Variants in HIF3A observed in about 807,000 individuals in gnomAD.
HIF3A encodes the protein hypoxia-inducible factor 3-alpha.
Under a neutral mutation model 67.2 loss-of-function variants are expected in HIF3A, and 41 were observed. That is an observed-to-expected ratio of 0.61 (90% CI 0.48 to 0.79). HIF3A has a LOEUF of 0.79. HIF3A is among the 30% of genes least tolerant of loss of function. The probability of loss-of-function intolerance (pLI) is 0.00; values close to 1 mark genes in which losing one functional copy is unlikely to be tolerated. For synonymous variants in HIF3A, 356 were observed against 374.8 expected (o/e 0.95, Z 0.58); for missense variants, 855 against 898.0 (o/e 0.95, Z 0.61).
At chr19:46,298,363 G>GGCC in intron 1 of HIF3A, 125 of 1,256,446 alleles carry the variant, frequency 9.9e-5, no homozygotes, top group Non-Finnish European at 1.2e-4. Context: ...GAGCTCGGGT[G>GGCC]CCCCCCCTCC....
intron 14 of HIF3A, among the ~76,000 whole-genome samples, chr19:46,335,442 G>T (rs1971542446): frequency 6.6e-6 from 1 of 151,742 alleles, no homozygotes; most frequent in South Asian, 2.1e-4. Context: ...GCTAATTTTT[G>T]TATTTTTAGT....
chr19:46,311,388 C>T (rs527353228), intron 6 of HIF3A, among the ~76,000 whole-genome samples: 116 of 152,226 alleles, frequency 7.6e-4, no homozygotes, highest in African/African-American at 2.7e-3. Flanking sequence ...GCCAGGAGTT[C>T]CGGATCAGCC....
At chr19:46,300,408 C>G (rs1014257705) in intron 1 of HIF3A, among the ~76,000 whole-genome samples, 1 of 152,194 alleles carries the variant, frequency 6.6e-6, no homozygotes, top group African/African-American at 2.4e-5. Flanking sequence ...TGCCTGTAAT[C>G]CCAACATTTT....
chr19:46,335,467 G>A (rs934470073), intron 14 of HIF3A, among the ~76,000 whole-genome samples: 6 of 151,630 alleles, frequency 4.0e-5, no homozygotes, highest in East Asian at 1.9e-4. Flanking sequence ...ATGAGGTTTC[G>A]CCATGTTGGC....
rs1435285566 is a variant in HIF3A, at chr19:46,325,585, C to CT, written c.1388dup (p.Thr464HisfsTer7). The CT allele has an allele frequency of 6.2e-7, 1 of 1,613,620 alleles. No homozygotes were observed. Among genetic ancestry groups the CT allele is most frequent in the South Asian group, 1.1e-5 (1 of 91,040 alleles). On this transcript the variant is annotated frameshift_variant, in exon 11 of 15. Coordinates refer to ENST00000377670, the MANE Select transcript of HIF3A (RefSeq NM_152795.4). LOFTEE classifies it high-confidence loss of function. ...TGGGCACCGAGAATGTGCACAGACT[C>CT]TTCACCTCCGGGAAAGACACTGAGG...
At chr19:46,335,291 TGAAGTC>T (rs1187102821) in intron 14 of HIF3A, among the ~76,000 whole-genome samples, 6 of 150,508 alleles carry the variant, frequency 4.0e-5, no homozygotes, top group African/African-American at 1.5e-4. Context: ...TTTTTTGAGA[TGAAGTC>T]TCACTCTTGT....
At chr19:46,326,191 T>G (rs1970766839) in intron 11 of HIF3A, among the ~76,000 whole-genome samples, 1 of 152,170 alleles carries the variant, frequency 6.6e-6, no homozygotes, top group South Asian at 2.1e-4. Flanking sequence ...AATCCCTCAC[T>G]TTGCTTTGGC....
chr19:46,313,176 AGGT>A, intron 8 of HIF3A: 1 of 568,504 alleles, frequency 1.8e-6, no homozygotes, highest in Non-Finnish European at 2.2e-6. Context: ...ATTAGAACCC[AGGT>A]GGTGGAGGCT....
chr19:46,336,917 G>A (rs1434864284), intron 14 of HIF3A, among the ~76,000 whole-genome samples: 5 of 152,140 alleles, frequency 3.3e-5, no homozygotes, highest in Non-Finnish European at 5.9e-5. Context: ...AGCCCAGGAG[G>A]CAGAGGTTGC....
In HIF3A at chr19:46,309,497, C is replaced by G. The variant is rs564212117; in HGVS notation, c.770+138C>G. 6.5e-6 allele frequency: 4 copies of G among 618,912 alleles called. No homozygotes were observed. The South Asian group carries it at 8.3e-5, about 13-fold the overall frequency. 38.3% of individuals were successfully genotyped at this position (618,912 alleles called of 1,614,324 possible). A position where few individuals can be genotyped will look rare whatever the true frequency, so the allele number is the denominator to read the frequency against. On this transcript the variant is annotated intron_variant, in intron 6 of 14. Coordinates refer to ENST00000377670, the MANE Select transcript of HIF3A (RefSeq NM_152795.4). ...TCTCTCTCTCTCTTTGTGTGCCTGC[C>G]TGTCTCTGAATTTTCTACATGCCTT...
intron 14 of HIF3A, among the ~76,000 whole-genome samples, chr19:46,336,269 T>G (rs1971612377): frequency 1.3e-5 from 2 of 151,822 alleles, no homozygotes; most frequent in Admixed American, 1.3e-4. Context: ...ATTTTTTGTA[T>G]TTTTAGTAGA....
intron 10 of HIF3A, among the ~76,000 whole-genome samples, chr19:46,322,269 G>C (rs1970428471): frequency 6.6e-6 from 1 of 152,070 alleles, no homozygotes; most frequent in African/African-American, 2.4e-5. Flanking sequence ...AATGTGGGCA[G>C]TTTTTCCCAC....
Position 46,331,158 on chromosome 19 carries a change from C to T in HIF3A, c.1715C>T (p.Thr572Ile). Residue 572 changes from threonine to isoleucine, a missense_variant and splice_region_variant, in exon 13 of 15, where the codon ACC (threonine) becomes ATC (isoleucine). Physicochemically the swap from Thr to Ile is moderately conservative, Grantham distance 89. This residue lies in a region of HIF3A where 199 missense variants were observed against 193.8 expected (regional missense o/e 1.03). Transcript: ENST00000377670. The stretch of plus-strand genomic sequence containing the variant: ...GATTCTTGCCTGTTTTCCTCCAGGA[C>T]CCTGGCCCAGAGCTCAGAGGACGAG... ...SSPMAGARKR[T>I]LAQSSEDEDE... The T allele has an allele frequency of 6.2e-7, 1 of 1,611,408 alleles. No individual in the cohort carries two copies. The highest frequency in any genetic ancestry group is 1.1e-5 in the South Asian group (1 of 90,852).
intron 12 of HIF3A, 36 bp from the exon 13 acceptor site, chr19:46,331,120 T>G (rs1212705999): frequency 1.3e-6 from 2 of 1,547,122 alleles, no homozygotes; most frequent in African/African-American, 2.7e-5. Flanking sequence ...TGCCCAGGTT[T>G]GCTGTGTCCT....
At chr19:46,310,525 C>G in intron 6 of HIF3A, 1 of 448,794 alleles carries the variant, frequency 2.2e-6, no homozygotes, top group South Asian at 1.6e-5. Context: ...TATCCCTCGC[C>G]CTGGTGTCAT....
At chr19:46,316,951 A>C (rs1427029926) in intron 8 of HIF3A, among the ~76,000 whole-genome samples, 1 of 151,960 alleles carries the variant, frequency 6.6e-6, no homozygotes, top group Non-Finnish European at 1.5e-5. Flanking sequence ...TATGTATATA[A>C]ATTTTTTTTG....
Position 46,334,897 on chromosome 19 carries a change from T to C in HIF3A, c.1831-8T>C, listed in dbSNP as rs763471390. On this transcript the variant is annotated splice_polypyrimidine_tract_variant and splice_region_variant and intron_variant, in intron 13 of 14. Transcript: ENST00000377670. ...GATGATGGTGGTGGCTTTGTCTCTC[T>C]CCCACAGAGTTTCCTTCTGACAGGA... The C allele has an allele frequency of 1.6e-5, 25 of 1,605,640 alleles. No homozygotes were observed. Among genetic ancestry groups the C allele is most frequent in the Non-Finnish European group, 1.9e-5 (22 of 1,175,690 alleles).
intron 6 of HIF3A, chr19:46,310,781 T>G: frequency 3.2e-6 from 1 of 309,678 alleles, no homozygotes; most frequent in South Asian, 2.5e-5. Flanking sequence ...GGTGGAGTCT[T>G]GCTCTGTCAC....
rs1420113335 is a variant in HIF3A, at chr19:46,321,917, C to T, written c.1286C>T (p.Ala429Val). The change falls in exon 10 of 15, where the codon GCC becomes GTC. Residue 429 changes from alanine to valine, a missense_variant. By Grantham distance (64) the Ala-to-Val change is moderately conservative (BLOSUM62 0). Around this residue, in one of 3 missense-constraint regions of HIF3A, gnomAD observed 638 missense variants for 660.5 expected, o/e 0.97. Transcript: ENST00000377670. ...ATCCTGGATGGGGCTTCAGTAGCAGCCACTCCCAGCACCCCGCTGGCCACA... is the reference window on the plus strand; with the variant it reads ...ATCCTGGATGGGGCTTCAGTAGCAGTCACTCCCAGCACCCCGCTGGCCACA... ...GPILDGASVA[A>V]TPSTPLATRH... 1 of 1,613,918 alleles carries T rather than the reference C, an allele frequency of 6.2e-7. No homozygotes were observed. The highest frequency in any genetic ancestry group is 1.3e-5 in the African/African-American group (1 of 74,926).
Sources: gnomAD v4.1 joint callset for allele counts (sites outside exome capture counted in the v4.1 genomes callset) on GRCh38, gnomAD v4.1.1 for gene constraint, gnomAD v4.1.1 regional missense constraint, MANE v1.5 for transcripts, NCBI Gene and HGNC (gene_info 2026-07-23, HGNC 2026-07-21) for gene names.